Variants in ARL6IP6 observed in about 807,000 individuals in gnomAD.
The protein encoded by ARL6IP6 is ARF like GTPase 6 interacting protein 6.
A neutral mutation model predicts 21.5 loss-of-function variants in ARL6IP6; 22 were observed. The observed-to-expected ratio is 1.02, with a 90% confidence interval of 0.73 to 1.46. The LOEUF (loss-of-function observed/expected upper bound fraction) is 1.46. Among genes scored for constraint, ARL6IP6 ranks in the 40% most tolerant of loss-of-function variants. The pLI, the probability that ARL6IP6 is intolerant of heterozygous loss-of-function variation, is 0.00. For synonymous variants in ARL6IP6, 164 were observed against 125.3 expected (o/e 1.31, Z -2.06); for missense variants, 388 against 299.8 (o/e 1.29, Z -2.17).
At chr2:152,746,569 T>C (rs937677033) in intron 3 of ARL6IP6, among the ~76,000 whole-genome samples, 6 of 152,182 alleles carry the variant, frequency 3.9e-5, no homozygotes, top group African/African-American at 1.4e-4. Context: ...AGAAGGACAT[T>C]TGAGCAAGTC....
intron 3 of ARL6IP6, among the ~76,000 whole-genome samples, chr2:152,737,686 AACTC>A (rs752383418): frequency 5.9e-5 from 9 of 152,134 alleles, no homozygotes; most frequent in East Asian, 1.9e-4. Context: ...GATCTTGTGA[AACTC>A]ACTCACTATT....
chr2:152,754,230 T>A (rs1395020450), intron 3 of ARL6IP6, among the ~76,000 whole-genome samples: 1 of 152,124 alleles, frequency 6.6e-6, no homozygotes, highest in Non-Finnish European at 1.5e-5. Flanking sequence ...TCCTCCTGCC[T>A]CTATCCCCTG....
chr2:152,737,930 G>C (rs1025001633), intron 3 of ARL6IP6, among the ~76,000 whole-genome samples: 1 of 152,104 alleles, frequency 6.6e-6, no homozygotes, highest in Non-Finnish European at 1.5e-5. Context: ...TAACTCATAA[G>C]TCCACAGTCC....
intron 2 of ARL6IP6, among the ~76,000 whole-genome samples, chr2:152,724,955 ATC>A (rs1412369411): frequency 6.6e-6 from 1 of 152,084 alleles, no homozygotes; most frequent in Non-Finnish European, 1.5e-5. Flanking sequence ...CTTTTACGGA[ATC>A]TTAGACCCTA....
At chr2:152,740,746 G>A (rs1390322690) in intron 3 of ARL6IP6, among the ~76,000 whole-genome samples, 1 of 151,950 alleles carries the variant, frequency 6.6e-6, no homozygotes, top group Non-Finnish European at 1.5e-5. Context: ...ACAAAATAAT[G>A]TGTATATACA....
chr2:152,733,769 A>G (rs1700430744), intron 2 of ARL6IP6, among the ~76,000 whole-genome samples: 1 of 152,184 alleles, frequency 6.6e-6, no homozygotes, highest in Admixed American at 6.5e-5. Flanking sequence ...TTATTTATTC[A>G]AAATAGTTAT....
At chr2:152,729,588 C>G (rs1700206424) in intron 2 of ARL6IP6, among the ~76,000 whole-genome samples, 1 of 151,974 alleles carries the variant, frequency 6.6e-6, no homozygotes, top group African/African-American at 2.4e-5. Flanking sequence ...AACACACACA[C>G]AACAGAACTG....
chr2:152,750,188 T>C (rs1701258624), intron 3 of ARL6IP6, among the ~76,000 whole-genome samples: 1 of 152,126 alleles, frequency 6.6e-6, no homozygotes, highest in Admixed American at 6.5e-5. Context: ...TACAGAAATG[T>C]AGAACTGAGA....
intron 3 of ARL6IP6, among the ~76,000 whole-genome samples, chr2:152,755,829 C>T (rs1701564804): frequency 6.6e-6 from 1 of 152,236 alleles, no homozygotes; most frequent in South Asian, 2.1e-4. Context: ...TCTGCACTCT[C>T]TCATCTCCAC....
At chr2:152,749,269 G>A (rs1364813821) in intron 3 of ARL6IP6, among the ~76,000 whole-genome samples, 2 of 151,402 alleles carry the variant, frequency 1.3e-5, no homozygotes, top group African/African-American at 2.4e-5. Flanking sequence ...AAAAGAAGTC[G>A]TTATGTAGGA....
At chr2:152,721,231 T>C (rs562217196) in intron 2 of ARL6IP6, among the ~76,000 whole-genome samples, 1 of 152,354 alleles carries the variant, frequency 6.6e-6, no homozygotes, top group African/African-American at 2.4e-5. Flanking sequence ...GGAAGAGGCT[T>C]CCCACAGCTC....
At chr2:152,732,427 G>C in intron 2 of ARL6IP6, 2 of 338,974 alleles carry the variant, frequency 5.9e-6, no homozygotes, top group Non-Finnish European at 1.2e-5. Context: ...GTATTGAATT[G>C]AGCATCTGTT....
chr2:152,727,918 A>G (rs899076865), intron 2 of ARL6IP6, among the ~76,000 whole-genome samples: 4 of 152,212 alleles, frequency 2.6e-5, no homozygotes, highest in African/African-American at 7.2e-5. Context: ...AGTATCATAA[A>G]ATGCATTAGT....
chr2:152,759,231 TTAAG>T (rs910666503), intron 3 of ARL6IP6, among the ~76,000 whole-genome samples: 10 of 152,290 alleles, frequency 6.6e-5, no homozygotes, highest in African/African-American at 2.4e-4. Flanking sequence ...ACCACTTCAA[TTAAG>T]TAACCTATTA....
At chr2:152,718,130 G>A (rs143905061), upstream of ARL6IP6, 185 of 901,154 alleles carry the variant, frequency 2.1e-4, no homozygotes, top group Middle Eastern at 2.8e-3. Context: ...GTAGAGAGGT[G>A]CCCTTAATGG....
At chr2:152,758,145 A>G (rs1247050755) in intron 3 of ARL6IP6, among the ~76,000 whole-genome samples, 2 of 152,188 alleles carry the variant, frequency 1.3e-5, no homozygotes, top group South Asian at 2.1e-4. Flanking sequence ...TAGTATTTGC[A>G]TATAACCTAA....
chr2:152,750,611 A>G (rs1701283818), intron 3 of ARL6IP6, among the ~76,000 whole-genome samples: 1 of 147,322 alleles, frequency 6.8e-6, no homozygotes, highest in African/African-American at 2.5e-5. Context: ...CTTAAGTTGG[A>G]GTTCCACTTC....
Position 152,718,676 on chromosome 2 carries a change from G to A in ARL6IP6, c.52G>A (p.Gly18Ser), listed in dbSNP as rs1699407067. The change falls in exon 1 of 4, where the codon GGC (glycine) becomes AGC (serine). Residue 18 changes from glycine to serine, a missense_variant. Transcript: ENST00000326446. ...GTCGGCTCTGCGGCGCCGCGGTCCC[G>A]GCACCCCGGGCCCTGTGGCTCGGCC... ...WRSALRRRGP[G>S]TPGPVARPSY... The A allele has an allele frequency of 6.3e-7, 1 of 1,577,232 alleles. No individual in the cohort carries two copies. Among genetic ancestry groups the A allele is most frequent in the Non-Finnish European group, 8.6e-7 (1 of 1,160,848 alleles).
At chr2:152,718,058 G>C (rs996715899), upstream of ARL6IP6, 7 of 994,642 alleles carry the variant, frequency 7.0e-6, no homozygotes, top group African/African-American at 1.2e-4. Context: ...TGTAGTACGG[G>C]TGGGGAGAAC....
Sources: gnomAD v4.1 joint callset for allele counts (sites outside exome capture counted in the v4.1 genomes callset) on GRCh38, gnomAD v4.1.1 for gene constraint, MANE v1.5 for transcripts, NCBI Gene and HGNC (gene_info 2026-07-23, HGNC 2026-07-21) for gene names.